KALRN: variants seen among roughly 807,000 people sequenced by gnomAD.
The protein encoded by KALRN is kalirin RhoGEF kinase.
KALRN carries 70 observed loss-of-function variants against 353.7 expected under a neutral mutation model. That is an observed-to-expected ratio of 0.20 (90% CI 0.16 to 0.24). KALRN has a LOEUF of 0.24. KALRN is among the 10% of genes least tolerant of loss of function. The pLI is 1.00. For synonymous variants in KALRN, 1,391 were observed against 1,434.8 expected (o/e 0.97, Z 0.69); for missense variants, 2,791 against 3,756.7 (o/e 0.74, Z 6.72).
chr3:124,183,540 A>G (rs1475280819), intron 1 of KALRN, among the ~76,000 whole-genome samples: 1 of 152,178 alleles, frequency 6.6e-6, no homozygotes, highest in Non-Finnish European at 1.5e-5. Context: ...TGGGGATTGC[A>G]TTTCAACATA....
At chr3:124,518,801 C>T in intron 33 of KALRN, 6 of 1,223,776 alleles carry the variant, frequency 4.9e-6, no homozygotes, top group South Asian at 2.3e-5. Flanking sequence ...TACGCCCAGG[C>T]TCCTGCTGCC....
At chr3:124,312,466 T>A (rs2078369059) in intron 6 of KALRN, among the ~76,000 whole-genome samples, 1 of 152,216 alleles carries the variant, frequency 6.6e-6, no homozygotes, top group African/African-American at 2.4e-5. Context: ...CAGTCTGAAT[T>A]ATACACTTTA....
At chr3:124,155,497 G>C (rs962275851) in intron 1 of KALRN, among the ~76,000 whole-genome samples, 1 of 152,112 alleles carries the variant, frequency 6.6e-6, no homozygotes, top group African/African-American at 2.4e-5. Flanking sequence ...CAGAGGTCTA[G>C]AACATTTCCA....
intron 1 of KALRN, among the ~76,000 whole-genome samples, chr3:124,138,033 G>T (rs539010594): frequency 6.6e-6 from 1 of 152,256 alleles, no homozygotes; most frequent in East Asian, 1.9e-4. Context: ...CATTCCCAGG[G>T]ATCCCCAGTG....
chr3:124,433,881 G>A (rs925156481), intron 16 of KALRN, among the ~76,000 whole-genome samples: 4 of 152,178 alleles, frequency 2.6e-5, no homozygotes, highest in African/African-American at 9.7e-5. Context: ...TTCTTTTCAT[G>A]TGCTGTCTAT....
At chr3:124,227,485 A>G (rs1005374444) in intron 1 of KALRN, among the ~76,000 whole-genome samples, 1 of 152,160 alleles carries the variant, frequency 6.6e-6, no homozygotes, top group Admixed American at 6.5e-5. Context: ...TTGTTGTGCC[A>G]GAGGAAAGGC....
At chr3:124,117,165 A>T (rs1032835955) in intron 1 of KALRN, among the ~76,000 whole-genome samples, 38 of 152,298 alleles carry the variant, frequency 2.5e-4, no homozygotes, top group African/African-American at 9.1e-4. Flanking sequence ...ATGGAAGGTC[A>T]GATTTCAGAC....
At chr3:124,134,219 T>C (rs1560041091) in intron 1 of KALRN, among the ~76,000 whole-genome samples, 1 of 151,820 alleles carries the variant, frequency 6.6e-6, no homozygotes, top group Non-Finnish European at 1.5e-5. Flanking sequence ...AACCCAGAAA[T>C]AAACCCAAAT....
intron 1 of KALRN, chr3:124,095,956 A>G (rs148605717): frequency 0.014 from 2,160 of 152,374 alleles, 36 homozygotes; most frequent in Non-Finnish European, 0.02. Context: ...TGCACAGAGC[A>G]GGTGAAACAG....
At chr3:124,295,508 T>C (rs576990819) in intron 5 of KALRN, among the ~76,000 whole-genome samples, 2 of 152,348 alleles carry the variant, frequency 1.3e-5, no homozygotes, top group Admixed American at 1.3e-4. Context: ...TGTGTTCAGC[T>C]TTCCCTACTC....
chr3:124,540,571 A>C (rs2068930689), intron 33 of KALRN, among the ~76,000 whole-genome samples: 5 of 152,220 alleles, frequency 3.3e-5, no homozygotes. Context: ...GCTGGAGTGG[A>C]CCTTGAAATC....
In KALRN at chr3:124,659,405, A is replaced by T; in HGVS notation, c.6164A>T (p.Asp2055Val). The change falls in exon 43 of 60, where the codon GAC (aspartate) becomes GTC (valine). Residue 2055 changes from aspartate to valine, a missense_variant. Coordinates refer to ENST00000682506, the MANE Select transcript of KALRN (RefSeq NM_001388419.1). ...ATAAATCAGAGGCTGACACTGAGTG[A>T]CTTCCTCATCAAGCCCATTCAGAGA... is the stretch of plus-strand genomic sequence containing the variant. Reference protein sequence around the residue: ...QEINQRLTLSDFLIKPIQRIT... With the variant: ...QEINQRLTLSVFLIKPIQRIT... The T allele has an allele frequency of 6.2e-7, 1 of 1,613,984 alleles. No individual in the cohort carries two copies. The highest frequency in any genetic ancestry group is 1.1e-5 in the South Asian group (1 of 91,074).
At chr3:124,500,923 G>A (rs996923440) in intron 33 of KALRN, among the ~76,000 whole-genome samples, 6 of 152,196 alleles carry the variant, frequency 3.9e-5, no homozygotes, top group Non-Finnish European at 8.8e-5. Context: ...TAGCCAAGCA[G>A]GGCTGAGTAA....
At chr3:124,187,554 G>T (rs1466103989) in intron 1 of KALRN, among the ~76,000 whole-genome samples, 2 of 152,240 alleles carry the variant, frequency 1.3e-5, no homozygotes, top group Non-Finnish European at 2.9e-5. Flanking sequence ...TTCCCCTGGA[G>T]ATTTGGGTGC....
chr3:124,472,582 T>G (rs892711830), intron 25 of KALRN, among the ~76,000 whole-genome samples: 2 of 114,174 alleles, frequency 1.8e-5, no homozygotes, highest in African/African-American at 9.6e-5. Flanking sequence ...TATATGTGTG[T>G]GTGTGTGTGT....
At chr3:124,494,575 A>G (rs1011606179) in intron 32 of KALRN, among the ~76,000 whole-genome samples, 2 of 152,222 alleles carry the variant, frequency 1.3e-5, no homozygotes, top group African/African-American at 4.8e-5. Context: ...CTTCCTATGA[A>G]TGTGTGGCTT....
At chr3:124,310,815 G>A (rs13082414) in intron 6 of KALRN, among the ~76,000 whole-genome samples, 31,194 of 152,000 alleles carry the variant, frequency 0.21, 3,319 homozygotes, top group South Asian at 0.29. Context: ...ACAGTCAAGA[G>A]ATGAAAAGAA....
chr3:124,536,928 A>C (rs986059089), intron 33 of KALRN, among the ~76,000 whole-genome samples: 14 of 151,844 alleles, frequency 9.2e-5, no homozygotes, highest in African/African-American at 3.4e-4. Context: ...AACATAAGAG[A>C]ATCCACATCT....
At chr3:124,557,350 C>A (rs2071395583) in intron 33 of KALRN, among the ~76,000 whole-genome samples, 1 of 152,194 alleles carries the variant, frequency 6.6e-6, no homozygotes, top group Admixed American at 6.6e-5. Flanking sequence ...AGTACAGCTG[C>A]ATGTCACTTG....
Sources: allele counts gnomAD v4.1 joint callset (sites outside exome capture counted in the v4.1 genomes callset), GRCh38; gene constraint gnomAD v4.1.1; transcripts MANE v1.5; gene names NCBI Gene and HGNC (gene_info 2026-07-23, HGNC 2026-07-21).